The following PDZRN3 variants were observed in gnomAD, a reference collection of about 807,000 sequenced individuals.
The protein encoded by PDZRN3 is E3 ubiquitin-protein ligase PDZRN3.
A neutral mutation model predicts 85.7 loss-of-function variants in PDZRN3; 38 were observed. The ratio of observed to expected loss-of-function variants is 0.44; its 90% CI spans 0.34 to 0.58. PDZRN3 has a LOEUF of 0.58. Among genes scored for constraint, PDZRN3 ranks in the 20% least tolerant of loss-of-function variants. The pLI, the probability that PDZRN3 is intolerant of heterozygous loss-of-function variation, is 0.01. For synonymous variants in PDZRN3, 759 were observed against 638.0 expected (o/e 1.19, Z -2.86); for missense variants, 1,629 against 1,506.4 (o/e 1.08, Z -1.35).
intron 3 of PDZRN3, among the ~76,000 whole-genome samples, chr3:73,413,312 C>T (rs542537709): frequency 2.6e-5 from 4 of 152,282 alleles, no homozygotes; most frequent in Admixed American, 2.0e-4. Flanking sequence ...AAAAACCATA[C>T]TCCAAATAAG....
At chr3:73,475,847 T>C (rs1703438639) in intron 3 of PDZRN3, among the ~76,000 whole-genome samples, 1 of 152,240 alleles carries the variant, frequency 6.6e-6, no homozygotes, top group Admixed American at 6.5e-5. Flanking sequence ...TGCAAGCGTT[T>C]GATACCATCT....
chr3:73,601,310 T>G (rs1702512605), intron 3 of PDZRN3, among the ~76,000 whole-genome samples: 1 of 152,148 alleles, frequency 6.6e-6, no homozygotes, highest in African/African-American at 2.4e-5. Context: ...TAGCTCCCAC[T>G]CAGTCCTAAA....
chr3:73,404,517 G>C, intron 3 of PDZRN3, 122 bp from the exon 4 acceptor site: 2 of 1,027,250 alleles, frequency 1.9e-6, no homozygotes, highest in South Asian at 3.2e-5. Flanking sequence ...GGTGGTGTCA[G>C]AGAACTTCAG....
At chr3:73,488,440 C>T (rs1703706642) in intron 3 of PDZRN3, among the ~76,000 whole-genome samples, 1 of 152,164 alleles carries the variant, frequency 6.6e-6, no homozygotes, top group Admixed American at 6.5e-5. Flanking sequence ...TCTTTCCTAC[C>T]ACAGGGTCTC....
rs1036313584 is a variant in PDZRN3, at chr3:73,624,370, G to A, written c.456C>T (p.His152=). ...CQEGCGLPLT[H]GEQRAGGHCC... is the part of the protein sequence containing the mutation. ...AGTGGCCGCCCGCGCGCTGCTCGCC[G>A]TGCGTCAAGGGTAGCCCGCAGCCCT... Residue 152 remains histidine (H), a synonymous_variant, in exon 1 of 10, where the codon CAC becomes CAT. Coordinates refer to ENST00000263666, the MANE Select transcript of PDZRN3 (RefSeq NM_015009.3). The A allele has an allele frequency of 3.1e-6, 4 of 1,301,994 alleles. No homozygotes were observed. In the African/African-American group the frequency reaches 4.7e-5, roughly 15 times the overall value. 80.7% of individuals were successfully genotyped at this position (1,301,994 alleles called of 1,614,324 possible). A position where few individuals can be genotyped will look rare whatever the true frequency, so the allele number is the denominator to read the frequency against.
chr3:73,396,805 C>T (rs1173886635), intron 5 of PDZRN3, among the ~76,000 whole-genome samples: 4 of 152,146 alleles, frequency 2.6e-5, no homozygotes. Flanking sequence ...CTTCTTTGGG[C>T]ATGTATTTTC....
At chr3:73,385,835 C>A in intron 8 of PDZRN3, 50 bp from the exon 9 acceptor site, 1 of 1,076,658 alleles carries the variant, frequency 9.3e-7, no homozygotes, top group Non-Finnish European at 1.4e-6. Flanking sequence ...CTTTCATGTT[C>A]ATTTATGTTT....
intron 3 of PDZRN3, among the ~76,000 whole-genome samples, chr3:73,447,328 G>A (rs1300306170): frequency 6.6e-6 from 1 of 151,918 alleles, no homozygotes; most frequent in South Asian, 2.1e-4. Context: ...CACTCGTGCT[G>A]TCTGTCCTAG....
chr3:73,398,027 T>C (rs1254182264), intron 5 of PDZRN3, among the ~76,000 whole-genome samples: 1 of 152,208 alleles, frequency 6.6e-6, no homozygotes, highest in Non-Finnish European at 1.5e-5. Context: ...AAACAGTATA[T>C]TTAATGTAAG....
At chr3:73,602,511 C>T (rs571027481) in intron 2 of PDZRN3, 50 bp from the exon 3 acceptor site, 2 of 950,544 alleles carry the variant, frequency 2.1e-6, no homozygotes, top group South Asian at 2.7e-5. Context: ...TTAAGTTGAG[C>T]ATGAAAGTAA....
At chr3:73,419,758 T>TA (rs1702162448) in intron 3 of PDZRN3, among the ~76,000 whole-genome samples, 1 of 152,220 alleles carries the variant, frequency 6.6e-6, no homozygotes, top group African/African-American at 2.4e-5. Context: ...TCTGGCCATA[T>TA]ACGTGTCTTA....
chr3:73,624,132 G>T lies in PDZRN3; in HGVS notation c.694C>A (p.Arg232Ser). ...CCGCCGGGCGGCGCGGCCACGCAGCGGCTGAGCGAGTCGAGGCGCGCGCTG... is the reference window on the plus strand; with the variant it reads ...CCGCCGGGCGGCGCGGCCACGCAGCTGCTGAGCGAGTCGAGGCGCGCGCTG... ...EYSARLDSLS[R>S]CVAAPPGGKG... The change falls in exon 1 of 10, where the codon CGC (arginine) becomes AGC (serine). Residue 232 changes from arginine (R) to serine (S), a missense_variant. Arg to Ser is a moderately radical substitution (Grantham distance 110). Coordinates refer to ENST00000263666, the MANE Select transcript of PDZRN3 (RefSeq NM_015009.3). 1.4e-6 allele frequency: 2 copies of T among 1,479,244 alleles called. No individual in the cohort carries two copies. Among genetic ancestry groups the T allele is most frequent in the South Asian group, 1.3e-5 (1 of 78,152 alleles). The allele number at this position is 1,479,244 out of a possible 1,614,324, so 91.6% of individuals were successfully genotyped here.
At chr3:73,552,877 G>A (rs1701595724) in intron 3 of PDZRN3, among the ~76,000 whole-genome samples, 1 of 152,220 alleles carries the variant, frequency 6.6e-6, no homozygotes, top group Non-Finnish European at 1.5e-5. Flanking sequence ...CAGTTGCTCA[G>A]TGTGATGACT....
intron 3 of PDZRN3, among the ~76,000 whole-genome samples, chr3:73,426,158 G>A (rs988439028): frequency 6.6e-6 from 1 of 151,706 alleles, no homozygotes; most frequent in African/African-American, 2.4e-5. Context: ...AATATGGTGA[G>A]ATATATATAT....
chr3:73,478,570 T>C (rs1575680503), intron 3 of PDZRN3, among the ~76,000 whole-genome samples: 1 of 151,392 alleles, frequency 6.6e-6, no homozygotes, highest in East Asian at 1.9e-4. Flanking sequence ...ATAATAATAA[T>C]AATGTAGTAA....
chr3:73,469,160 G>A (rs377338584), intron 3 of PDZRN3, among the ~76,000 whole-genome samples: 3 of 150,362 alleles, frequency 2.0e-5, no homozygotes, highest in East Asian at 2.0e-4. Flanking sequence ...TGCAACCTCC[G>A]CCTCCCGGGT....
At chr3:73,534,779 C>T (rs542798366) in intron 3 of PDZRN3, among the ~76,000 whole-genome samples, 18 of 152,296 alleles carry the variant, frequency 1.2e-4, no homozygotes, top group East Asian at 3.9e-4. Flanking sequence ...GATACCTTTA[C>T]GGAACTGAGG....
At chr3:73,470,408 TA>T (rs1453726356) in intron 3 of PDZRN3, among the ~76,000 whole-genome samples, 4 of 152,194 alleles carry the variant, frequency 2.6e-5, no homozygotes, top group Non-Finnish European at 5.9e-5. Flanking sequence ...TGCTATGTGC[TA>T]AGTACTTTGT....
chr3:73,558,351 G>T (rs1290363273), intron 3 of PDZRN3, among the ~76,000 whole-genome samples: 2 of 152,126 alleles, frequency 1.3e-5, no homozygotes, highest in Admixed American at 1.3e-4. Flanking sequence ...TAAGGTCTAA[G>T]TATCATGGCA....
Sources: gnomAD v4.1 joint callset for allele counts (sites outside exome capture counted in the v4.1 genomes callset) on GRCh38, gnomAD v4.1.1 for gene constraint, MANE v1.5 for transcripts, NCBI Gene and HGNC (gene_info 2026-07-23, HGNC 2026-07-21) for gene names.